The following NXPE2 variants were observed in gnomAD, a reference collection of about 807,000 sequenced individuals.
The protein encoded by NXPE2 is NXPE family member 2.
NXPE2 carries 34 observed loss-of-function variants against 34.4 expected under a neutral mutation model. That is an observed-to-expected ratio of 0.99 (90% confidence interval 0.75 to 1.31). NXPE2 has a LOEUF of 1.31. Ranked by LOEUF, NXPE2 falls within the 40% of genes most tolerant of loss-of-function variation. The pLI, the probability that NXPE2 is intolerant of heterozygous loss-of-function variation, is 0.00. For missense variants in NXPE2, 649 were observed against 672.5 expected (o/e 0.97, Z 0.39); for synonymous variants, 235 against 231.3 (o/e 1.02, Z -0.15).
the NXPE2 span, among the ~76,000 whole-genome samples, chr11:114,562,252 T>C: frequency 3.3e-5 from 5 of 152,236 alleles, no homozygotes; most frequent in African/African-American, 1.2e-4. Context: ...TTGCATTTTC[T>C]TCTGGGAGAG....
At chr11:114,610,110 G>C in the NXPE2 span, among the ~76,000 whole-genome samples, 134 of 151,762 alleles carry the variant, frequency 8.8e-4, 2 homozygotes, top group East Asian at 0.014. Context: ...GTGTTGTCTT[G>C]TGGGTAACCC....
At chr11:114,723,449 T>C in the NXPE2 span, among the ~76,000 whole-genome samples, 15 of 152,136 alleles carry the variant, frequency 9.9e-5, no homozygotes, top group African/African-American at 2.7e-4. Flanking sequence ...AAGATCCATT[T>C]TGGGCAGGAA....
chr11:114,740,195 C>A, the NXPE2 span, among the ~76,000 whole-genome samples: 1,593 of 152,198 alleles, frequency 0.01, 8 homozygotes, highest in African/African-American at 0.022. Context: ...CTTTCTCTCT[C>A]TCTATATAAA....
chr11:114,476,081 C>G, the NXPE2 span, among the ~76,000 whole-genome samples: 5 of 152,126 alleles, frequency 3.3e-5, no homozygotes, highest in African/African-American at 1.2e-4. Flanking sequence ...AAATTTGAAC[C>G]ATGTTGTTGA....
the NXPE2 span, among the ~76,000 whole-genome samples, chr11:114,469,289 A>G: frequency 1.3e-5 from 2 of 150,384 alleles, no homozygotes; most frequent in South Asian, 4.2e-4. Flanking sequence ...TTTTTTGTGT[A>G]TTTTTAGTAG....
the NXPE2 span, among the ~76,000 whole-genome samples, chr11:114,785,046 A>G: frequency 6.6e-6 from 1 of 152,130 alleles, no homozygotes; most frequent in Non-Finnish European, 1.5e-5. Flanking sequence ...GCAGAAAAGA[A>G]GAAAGTAACA....
the NXPE2 span, among the ~76,000 whole-genome samples, chr11:114,574,223 G>T: frequency 6.6e-6 from 1 of 151,992 alleles, no homozygotes; most frequent in Non-Finnish European, 1.5e-5. Context: ...ATGTTAAGAG[G>T]AAAGTTCATA....
At chr11:114,567,120 C>G in the NXPE2 span, among the ~76,000 whole-genome samples, 1 of 152,172 alleles carries the variant, frequency 6.6e-6, no homozygotes, top group Non-Finnish European at 1.5e-5. Flanking sequence ...GGCTCTTCCC[C>G]AGCCATGTTC....
At chr11:114,737,476 A>C in the NXPE2 span, among the ~76,000 whole-genome samples, 1 of 152,182 alleles carries the variant, frequency 6.6e-6, no homozygotes, top group East Asian at 1.9e-4. Flanking sequence ...ATATTTATTT[A>C]TAAATATAAT....
At chr11:114,687,769 C>G (rs190904379) in intron 2 of NXPE2, among the ~76,000 whole-genome samples, 1 of 152,022 alleles carries the variant, frequency 6.6e-6, no homozygotes, top group East Asian at 1.9e-4. Flanking sequence ...TGTCTATGAT[C>G]TTTCTCCTCA....
chr11:114,599,023 T>C, the NXPE2 span, among the ~76,000 whole-genome samples: 1 of 152,238 alleles, frequency 6.6e-6, no homozygotes, highest in Non-Finnish European at 1.5e-5. Context: ...TCCAAACTTT[T>C]ATACTTTGCT....
At chr11:114,667,205 G>T in the NXPE2 span, among the ~76,000 whole-genome samples, 1 of 152,124 alleles carries the variant, frequency 6.6e-6, no homozygotes, top group Non-Finnish European at 1.5e-5. Context: ...TGTTCTTTTA[G>T]AAATGAAGGT....
chr11:114,805,686 AAGC>A, the NXPE2 span, among the ~76,000 whole-genome samples: 2 of 152,186 alleles, frequency 1.3e-5, no homozygotes. Context: ...TAGGTAAACA[AAGC>A]AGCCGGGAAG....
At chr11:114,680,064 C>T (rs775339154) in intron 2 of NXPE2, among the ~76,000 whole-genome samples, 15 of 152,246 alleles carry the variant, frequency 9.9e-5, no homozygotes, top group Non-Finnish European at 1.5e-4. Flanking sequence ...CCTCCCTTGG[C>T]CTCTGAGATT....
At chr11:114,533,068 C>T in the NXPE2 span, among the ~76,000 whole-genome samples, 3 of 152,046 alleles carry the variant, frequency 2.0e-5, no homozygotes, top group African/African-American at 7.2e-5. Context: ...TTCAACATAA[C>T]GTTAGAAGTC....
chr11:114,694,708 G>A (rs1295678950), intron 2 of NXPE2, among the ~76,000 whole-genome samples: 2 of 151,998 alleles, frequency 1.3e-5, no homozygotes, highest in Non-Finnish European at 2.9e-5. Flanking sequence ...ACATGACTAT[G>A]TTCAGTCTGT....
At chr11:114,567,127 G>C in the NXPE2 span, among the ~76,000 whole-genome samples, 249 of 152,282 alleles carry the variant, frequency 1.6e-3, no homozygotes, top group African/African-American at 5.5e-3. Flanking sequence ...CCCCAGCCAT[G>C]TTCCCAGAAT....
In NXPE2 at chr11:114,704,036, G is replaced by T; in HGVS notation, c.912G>T (p.Glu304Asp). 1 of 1,551,520 alleles carries T rather than the reference G, an allele frequency of 6.4e-7. No homozygotes were observed. Among genetic ancestry groups the T allele is most frequent in the Non-Finnish European group, 8.7e-7 (1 of 1,146,440 alleles). ...VEMMKNFTPIEVIPCNKSENI... is the reference protein window; with the variant it reads ...VEMMKNFTPIDVIPCNKSENI... ...TGATGAAGAACTTTACCCCCATTGAGGTCATACCATGCAACAGTAAGTCTG... is the reference window on the plus strand; with the variant it reads ...TGATGAAGAACTTTACCCCCATTGATGTCATACCATGCAACAGTAAGTCTG... Residue 304 changes from glutamate to aspartate, a missense_variant, in exon 4 of 6, where the codon GAG (glutamate) becomes GAT (aspartate). Physicochemically the swap from Glu to Asp is conservative, Grantham distance 45 (BLOSUM62 2). Coordinates refer to ENST00000389586, the MANE Select transcript of NXPE2 (RefSeq NM_182495.6).
the NXPE2 span, among the ~76,000 whole-genome samples, chr11:114,774,796 C>G: frequency 1.3e-5 from 2 of 152,202 alleles, no homozygotes; most frequent in Non-Finnish European, 1.5e-5. Context: ...GAAGCCTGCG[C>G]TGCCAGTTGC....
Sources: gnomAD v4.1 joint callset for allele counts (sites outside exome capture counted in the v4.1 genomes callset) on GRCh38, gnomAD v4.1.1 for gene constraint, MANE v1.5 for transcripts, NCBI Gene and HGNC (gene_info 2026-07-23, HGNC 2026-07-21) for gene names.